The following DNAH9 variants were observed in gnomAD, a reference collection of about 807,000 sequenced individuals.
The protein encoded by DNAH9 is dynein axonemal heavy chain 9.
Under a neutral mutation model 471.6 loss-of-function variants are expected in DNAH9, and 345 were observed. The ratio of observed to expected loss-of-function variants is 0.73; its 90% confidence interval spans 0.67 to 0.80. The LOEUF (loss-of-function observed/expected upper bound fraction) is 0.80. DNAH9 is among the 30% of genes least tolerant of loss of function. DNAH9 has a pLI of 0.00. For missense variants in DNAH9, 5,407 were observed against 5,609.2 expected (o/e 0.96, Z 1.15); for synonymous variants, 2,093 against 2,123.6 (o/e 0.99, Z 0.40).
chr17:11,714,509 T>C (rs1440914144), intron 26 of DNAH9, among the ~76,000 whole-genome samples: 1 of 152,190 alleles, frequency 6.6e-6, no homozygotes, highest in Non-Finnish European at 1.5e-5. Context: ...TATTGAACCA[T>C]GTGGTAGACA....
intron 31 of DNAH9, 45 bp from the exon 32 acceptor site, chr17:11,747,508 AGGT>A (rs1966930412): frequency 6.8e-7 from 1 of 1,480,262 alleles, no homozygotes; most frequent in Non-Finnish European, 9.4e-7. Flanking sequence ...GTTGGGATGC[AGGT>A]GAGTCACAGG....
chr17:11,717,697 G>T (rs961073039), intron 26 of DNAH9, among the ~76,000 whole-genome samples: 6 of 152,074 alleles, frequency 3.9e-5, no homozygotes, highest in Non-Finnish European at 8.8e-5. Context: ...ATGTACAACT[G>T]GATGATTTTT....
In DNAH9 at chr17:11,645,850, ATGTCC is replaced by A. The variant is rs550695433; in HGVS notation, c.1970+1155_1970+1159del. On this transcript the variant is annotated intron_variant, in intron 11 of 68. Transcript: ENST00000262442. The stretch of plus-strand genomic sequence containing the variant: ...TTCCACCTCTGCTATTAGGTGCCTG[ATGTCC>A]TGTACATTTCTCTTTTTCTTTTTCT... Among the ~76,000 whole-genome samples, 78 of 146,792 alleles carry A rather than the reference ATGTCC, an allele frequency of 5.3e-4. No homozygotes were observed. In the East Asian group the frequency reaches 0.012, roughly 22 times the overall value.
At chr17:11,869,997 TGGAA>T (rs1419650669) in intron 51 of DNAH9, among the ~76,000 whole-genome samples, 1 of 152,068 alleles carries the variant, frequency 6.6e-6, no homozygotes, top group Non-Finnish European at 1.5e-5. Context: ...CAGTGATGAT[TGGAA>T]GGGAGGGTGC....
chr17:11,846,046 C>T (rs1461328721), intron 49 of DNAH9, among the ~76,000 whole-genome samples: 1 of 151,796 alleles, frequency 6.6e-6, no homozygotes, highest in African/African-American at 2.4e-5. Flanking sequence ...GTTGCCATTG[C>T]TTTTGGTGTT....
At chr17:11,862,789 A>G (rs1176655649) in intron 50 of DNAH9, among the ~76,000 whole-genome samples, 204 of 143,058 alleles carry the variant, frequency 1.4e-3, no homozygotes, top group South Asian at 3.4e-3. Flanking sequence ...GCAATTGTGA[A>G]TGGGGGTTCA....
chr17:11,822,831 A>G lies in DNAH9; in HGVS notation c.9043A>G (p.Met3015Val). The G allele has an allele frequency of 1.2e-6, 2 of 1,614,224 alleles. No homozygotes were observed. The highest frequency in any genetic ancestry group is 8.5e-7 in the Non-Finnish European group (1 of 1,180,042). Residue 3015 changes from methionine to valine, a missense_variant, in exon 48 of 69, where the codon ATG (methionine) becomes GTG (valine). This residue lies in a region of DNAH9 where 4,636 missense variants were observed against 4,900.3 expected (regional missense o/e 0.95). Coordinates refer to ENST00000262442, the MANE Select transcript of DNAH9 (RefSeq NM_001372.4). ...AGTAAAGCAGTCGATTAGCAAATTC[A>G]TGGCCTTTGTCCACACAAGTGTCAA... ...PTVKQSISKF[M>V]AFVHTSVNQT...
chr17:11,969,173 G>A (rs939290940), intron 68 of DNAH9, 127 bp from the exon 69 acceptor site: 4 of 743,014 alleles, frequency 5.4e-6, no homozygotes, highest in Admixed American at 2.6e-5. Context: ...AAACCTGGAA[G>A]GGGGCAGGCA....
chr17:11,659,521 C>T (rs941925848), intron 14 of DNAH9, among the ~76,000 whole-genome samples: 2 of 152,196 alleles, frequency 1.3e-5, no homozygotes, highest in African/African-American at 2.4e-5. Flanking sequence ...CATAAAACCC[C>T]TTGTAGCCTC....
intron 38 of DNAH9, among the ~76,000 whole-genome samples, chr17:11,773,268 T>C (rs1391696343): frequency 6.6e-6 from 1 of 152,198 alleles, no homozygotes; most frequent in Non-Finnish European, 1.5e-5. Context: ...CATAGTCTGC[T>C]TGAAAGGACA....
intron 59 of DNAH9, among the ~76,000 whole-genome samples, chr17:11,897,300 A>T (rs1323052992): frequency 6.6e-6 from 1 of 152,244 alleles, no homozygotes; most frequent in Non-Finnish European, 1.5e-5. Context: ...TTGAGATTCC[A>T]TAAAATTGAT....
At chr17:11,888,850 A>C (rs1359074587) in intron 57 of DNAH9, among the ~76,000 whole-genome samples, 2 of 152,214 alleles carry the variant, frequency 1.3e-5, no homozygotes, top group Non-Finnish European at 2.9e-5. Context: ...TGGCAGAGAA[A>C]GAAGAGGCAT....
Position 11,626,700 on chromosome 17 carries a change from G to C in DNAH9, c.1351-2717G>C, listed in dbSNP as rs2072976409. Among the ~76,000 whole-genome samples the C allele has an allele frequency of 6.6e-6, 1 of 152,118 alleles. No individual in the cohort carries two copies. ...TCATTCTGCCTTCACTGTAGCACCAGGGAAGGTTCCCCCTTGCACTTGACC... is the reference window on the plus strand; with the variant it reads ...TCATTCTGCCTTCACTGTAGCACCACGGAAGGTTCCCCCTTGCACTTGACC... On this transcript the variant is annotated intron_variant, in intron 6 of 68. Transcript: ENST00000262442. The surrounding 1 kb of genome is among the most constrained non-coding windows in gnomAD (Gnocchi z 4.3).
chr17:11,942,427 T>C lies in DNAH9; in HGVS notation c.12785T>C (p.Met4262Thr). Residue 4262 changes from methionine (M) to threonine (T), a missense_variant, in exon 67 of 69, where the codon ATG becomes ACG. By Grantham distance (81) the Met-to-Thr change is moderately conservative. Around this residue, in one of 3 missense-constraint regions of DNAH9, gnomAD observed 4,636 missense variants for 4,900.3 expected, o/e 0.95. Transcript: ENST00000262442. ...GTTGCCTTCCAGGAGTGTGGCCGGA[T>C]GAATATCCTCACCAGAGAGATTCAG... ...IVVAFQECGR[M>T]NILTREIQRS... The C allele has an allele frequency of 3.7e-6, 6 of 1,614,168 alleles. No individual in the cohort carries two copies. Among genetic ancestry groups the C allele is most frequent in the Non-Finnish European group, 5.1e-6 (6 of 1,180,024 alleles).
intron 60 of DNAH9, 110 bp from the exon 61 acceptor site, chr17:11,905,551 C>A: frequency 1.7e-6 from 2 of 1,181,820 alleles, no homozygotes; most frequent in Non-Finnish European, 2.4e-6. Context: ...AACTACCTAG[C>A]CCATGACCTT....
Position 11,931,998 on chromosome 17 carries a change from G to T in DNAH9, c.12106-16G>T. 3.1e-6 allele frequency: 5 copies of T among 1,613,160 alleles called. No individual in the cohort carries two copies. The highest frequency in any genetic ancestry group is 4.2e-6 in the Non-Finnish European group (5 of 1,179,336). ...GAAGTTGTGTGCGAACCTTAAAAGC[G>T]ACACTCTCATTTCAGGACACTCTGG... On this transcript the variant is annotated splice_polypyrimidine_tract_variant and intron_variant, in intron 63 of 68. Coordinates refer to ENST00000262442, the MANE Select transcript of DNAH9 (RefSeq NM_001372.4).
At chr17:11,900,162 T>G (rs575903777) in intron 59 of DNAH9, among the ~76,000 whole-genome samples, 6 of 150,836 alleles carry the variant, frequency 4.0e-5, no homozygotes, top group African/African-American at 1.5e-4. Flanking sequence ...AAAGTGGTGG[T>G]GCTGGGGCCA....
chr17:11,686,380 T>C (rs1769930490), intron 19 of DNAH9, among the ~76,000 whole-genome samples: 1 of 152,226 alleles, frequency 6.6e-6, no homozygotes, highest in Admixed American at 6.5e-5. Context: ...CATTTTGCCT[T>C]ATTATTTCAA....
intron 4 of DNAH9, among the ~76,000 whole-genome samples, chr17:11,616,531 A>G (rs981049700): frequency 2.6e-5 from 4 of 152,112 alleles, no homozygotes; most frequent in African/African-American, 9.7e-5. Context: ...TGGATTTCCT[A>G]GTTTCCCGTG....
Sources: gnomAD v4.1 joint callset for allele counts (sites outside exome capture counted in the v4.1 genomes callset) on GRCh38, gnomAD v4.1.1 for gene constraint, gnomAD v4.1.1 regional missense constraint, Gnocchi (gnomAD v3.1) non-coding constraint, MANE v1.5 for transcripts, NCBI Gene and HGNC (gene_info 2026-07-23, HGNC 2026-07-21) for gene names.